The following ZFYVE28 variants were observed in gnomAD, a reference collection of about 807,000 sequenced individuals.
ZFYVE28 encodes the protein lateral signaling target protein 2 homolog.
Under a neutral mutation model 82.1 loss-of-function variants are expected in ZFYVE28, and 40 were observed. The observed-to-expected ratio is 0.49, with a 90% CI of 0.38 to 0.63. ZFYVE28 has a LOEUF of 0.63. Ranked by LOEUF, ZFYVE28 falls within the 30% of genes least tolerant of loss-of-function variation. The pLI is 0.00. For synonymous variants in ZFYVE28, 612 were observed against 546.1 expected (o/e 1.12, Z -1.68); for missense variants, 1,321 against 1,242.1 (o/e 1.06, Z -0.96).
chr4:2,296,568 T>G (rs566288719), intron 8 of ZFYVE28, among the ~76,000 whole-genome samples: 1 of 152,110 alleles, frequency 6.6e-6, no homozygotes, highest in Non-Finnish European at 1.5e-5. Flanking sequence ...GGGCATGAAG[T>G]GGGTGGAAGG....
intron 1 of ZFYVE28, among the ~76,000 whole-genome samples, chr4:2,392,303 G>T (rs1049410910): frequency 4.8e-4 from 73 of 152,092 alleles, no homozygotes; most frequent in African/African-American, 1.7e-3. Flanking sequence ...CTCCTCTCCC[G>T]CAGACTCTGA....
chr4:2,325,933 T>G (rs1719799648), intron 6 of ZFYVE28, among the ~76,000 whole-genome samples: 1 of 152,132 alleles, frequency 6.6e-6, no homozygotes. Context: ...GCTGTTGAAT[T>G]TTTTGAGTTC....
intron 2 of ZFYVE28, among the ~76,000 whole-genome samples, chr4:2,349,323 C>T (rs1031521611): frequency 4.0e-4 from 52 of 131,640 alleles, no homozygotes; most frequent in African/African-American, 1.5e-3. Context: ...ACAATGAGAA[C>T]ATATGGACAC....
chr4:2,308,627 C>CGAAAGAAAGAAAGAAAGAA (rs1716947693), intron 7 of ZFYVE28, among the ~76,000 whole-genome samples: 3 of 79,582 alleles, frequency 3.8e-5, no homozygotes, highest in East Asian at 3.8e-4. Flanking sequence ...AGAAAGAAGA[C>CGAAAGAAAGAAAGAAAGAA]AGAAAGAAAG....
chr4:2,366,789 C>T (rs1461731111), intron 1 of ZFYVE28, among the ~76,000 whole-genome samples: 2 of 152,226 alleles, frequency 1.3e-5, no homozygotes, highest in Non-Finnish European at 2.9e-5. Context: ...TAGGAAGAGG[C>T]TGGGTTGGCC....
chr4:2,290,331 A>G (rs968055935), intron 8 of ZFYVE28, among the ~76,000 whole-genome samples: 1 of 152,098 alleles, frequency 6.6e-6, no homozygotes, highest in South Asian at 2.1e-4. Flanking sequence ...CAGGGTCTCG[A>G]ACTCTTGGCC....
At chr4:2,411,063 T>C (rs574272996) in intron 1 of ZFYVE28, among the ~76,000 whole-genome samples, 17 of 152,362 alleles carry the variant, frequency 1.1e-4, no homozygotes, top group African/African-American at 3.8e-4. Context: ...TATCCTAAAT[T>C]GGGTGTGCTA....
chr4:2,401,710 G>T (rs764288862), intron 1 of ZFYVE28, among the ~76,000 whole-genome samples: 3 of 152,238 alleles, frequency 2.0e-5, no homozygotes, highest in Non-Finnish European at 2.9e-5. Context: ...TCGCCGCCCC[G>T]CACCGCAGTC....
In ZFYVE28 at chr4:2,369,714, C is replaced by T. The variant is rs770053655; in HGVS notation, c.40-15641G>A. 5.1e-4 allele frequency among the ~76,000 whole-genome samples: 77 copies of T among 151,844 alleles called. 1 individual carries two copies. Among genetic ancestry groups the T allele is most frequent in the East Asian group, 1.9e-4 (1 of 5,180 alleles). On this transcript the variant is annotated intron_variant, in intron 1 of 12. Transcript: ENST00000290974. The stretch of plus-strand genomic sequence containing the variant: ...GCCTGTAAGAAACCCCAAGGACAGC[C>T]GGCAACACCGGGAGCTGGAGAAGGC...
intron 6 of ZFYVE28, chr4:2,325,049 C>T (rs1003192779): frequency 6.5e-6 from 1 of 153,488 alleles, no homozygotes; most frequent in Non-Finnish European, 1.5e-5. Context: ...TGTAACTATA[C>T]ATGTGCCAAT....
chr4:2,350,034 GACACAC>G (rs71644325), intron 2 of ZFYVE28, among the ~76,000 whole-genome samples: 39 of 148,796 alleles, frequency 2.6e-4, no homozygotes, highest in Admixed American at 7.4e-4. Context: ...GTGACACACA[GACACAC>G]ACACACACAC....
chr4:2,273,262 T>C lies in ZFYVE28; in HGVS notation c.2234A>G (p.Tyr745Cys). The C allele has an allele frequency of 6.2e-7, 1 of 1,613,210 alleles. No homozygotes were observed. The highest frequency in any genetic ancestry group is 1.1e-5 in the South Asian group (1 of 91,076). Residue 745 changes from tyrosine to cysteine, a missense_variant, in exon 10 of 13, where the codon TAT becomes TGT. By Grantham distance (194) the Tyr-to-Cys change is radical. This residue lies in a region of ZFYVE28 where 978 missense variants were observed against 833.7 expected (regional missense o/e 1.17). Coordinates refer to ENST00000290974, the MANE Select transcript of ZFYVE28 (RefSeq NM_020972.3). ...AAGAATACTTCTCAGGTCACTGGCATAGTTCGTCTGCAGCTGGTCAGCCAC... is the reference window on the plus strand; with the variant it reads ...AAGAATACTTCTCAGGTCACTGGCACAGTTCGTCTGCAGCTGGTCAGCCAC... ...SGVADQLQTN[Y>C]ASDLRSILKT...
intron 1 of ZFYVE28, among the ~76,000 whole-genome samples, chr4:2,405,116 C>T (rs1731721167): frequency 6.6e-6 from 1 of 152,206 alleles, no homozygotes; most frequent in South Asian, 2.1e-4. Context: ...CCGAATTTGT[C>T]CCCAAAGGCA....
At chr4:2,387,118 G>C (rs1234602532) in intron 1 of ZFYVE28, among the ~76,000 whole-genome samples, 1 of 152,150 alleles carries the variant, frequency 6.6e-6, no homozygotes, top group Non-Finnish European at 1.5e-5. Flanking sequence ...AGGATGGAGA[G>C]CGGTGCCACA....
At chr4:2,398,694 G>GGCCAAGATCCAGTGCACAAGAGGT (rs1553865250) in intron 1 of ZFYVE28, among the ~76,000 whole-genome samples, 22 of 116,058 alleles carry the variant, frequency 1.9e-4, no homozygotes, top group South Asian at 6.2e-4. Context: ...GCACAATGGG[G>GGCCAAGATCCAGTGCACAAGAGGT]GGTCGAGATC....
intron 1 of ZFYVE28, among the ~76,000 whole-genome samples, chr4:2,388,651 G>A (rs893830569): frequency 1.3e-5 from 2 of 152,162 alleles, no homozygotes; most frequent in Admixed American, 6.5e-5. Flanking sequence ...TTAGGAGAAC[G>A]AACACGGTGG....
intron 7 of ZFYVE28, among the ~76,000 whole-genome samples, chr4:2,310,536 G>C (rs891932161): frequency 6.6e-6 from 1 of 152,168 alleles, no homozygotes; most frequent in African/African-American, 2.4e-5. Context: ...GGGTATGGTG[G>C]CTCATGCCTG....
At chr4:2,291,574 C>T (rs1713706487) in intron 8 of ZFYVE28, among the ~76,000 whole-genome samples, 1 of 152,208 alleles carries the variant, frequency 6.6e-6, no homozygotes, top group Non-Finnish European at 1.5e-5. Context: ...TCTCTCTCCA[C>T]CTCAGACACT....
At position 2,297,958 on chromosome 4, in the gene ZFYVE28, GGGTGACAC is replaced by G. The variant is rs1265204697; in HGVS notation, c.2051+6323_2051+6330del. 4.7e-5 allele frequency among the ~76,000 whole-genome samples: 7 copies of G among 147,380 alleles called. No individual in the cohort carries two copies. In the East Asian group the frequency reaches 8.0e-4, roughly 17 times the overall value. Reference sequence around the variant, plus strand: ...CAGCAGAGGACGAGCAGTGACAGTGGGGTGACACGGTGACACAGTGACACGGCAGGCTG... The same window carrying G: ...CAGCAGAGGACGAGCAGTGACAGTGGGGTGACACAGTGACACGGCAGGCTG... On this transcript the variant is annotated intron_variant, in intron 8 of 12. Coordinates refer to ENST00000290974, the MANE Select transcript of ZFYVE28 (RefSeq NM_020972.3).
Sources: allele counts gnomAD v4.1 joint callset (sites outside exome capture counted in the v4.1 genomes callset), GRCh38; gene constraint gnomAD v4.1.1; regional missense constraint gnomAD v4.1.1; transcripts MANE v1.5; gene names NCBI Gene and HGNC (gene_info 2026-07-23, HGNC 2026-07-21).